Variants in IGFL2 observed in about 807,000 individuals in gnomAD.
IGFL2 encodes the protein insulin growth factor-like family member 2.
In IGFL2, 7 loss-of-function variants were observed where a neutral mutation model predicts 13.9. That is an observed-to-expected ratio of 0.51 (90% CI 0.29 to 0.95). The LOEUF is 0.95. IGFL2 is among the 40% of genes least tolerant of loss of function. The pLI is 0.08. For synonymous variants in IGFL2, 55 were observed against 55.8 expected (o/e 0.99, Z 0.07); for missense variants, 138 against 147.8 (o/e 0.93, Z 0.34).
At chr19:46,152,057 G>A in intron 1 of IGFL2, among the ~76,000 whole-genome samples, 1 of 152,026 alleles carries the variant, frequency 6.6e-6, no homozygotes, top group East Asian at 1.9e-4. Context: ...ACAATGTTTT[G>A]TTGTTTTTAA....
the IGFL2 span, chr19:46,189,858 A>G: frequency 2.6e-5 from 4 of 151,886 alleles, no homozygotes; most frequent in African/African-American, 9.7e-5. Context: ...CTTATTTTAT[A>G]TGTTTTCTTT....
chr19:46,198,414 ACTT>A, the IGFL2 span: 18 of 152,056 alleles, frequency 1.2e-4, no homozygotes, highest in East Asian at 2.9e-3. Context: ...ATACCTGGCC[ACTT>A]CTTCATTCTT....
intron 1 of IGFL2, among the ~76,000 whole-genome samples, chr19:46,154,696 G>A (rs546888509): frequency 6.6e-6 from 1 of 151,970 alleles, no homozygotes; most frequent in African/African-American, 2.4e-5. Flanking sequence ...TCATCTGCCC[G>A]CCTCAGCCTC....
chr19:46,092,838 T>C, the IGFL2 span, among the ~76,000 whole-genome samples: 1 of 152,074 alleles, frequency 6.6e-6, no homozygotes, highest in Admixed American at 6.6e-5. Context: ...TAATCTAAGT[T>C]ATAATGTAGT....
the IGFL2 span, among the ~76,000 whole-genome samples, chr19:46,136,396 A>G: frequency 6.6e-6 from 1 of 152,242 alleles, no homozygotes; most frequent in African/African-American, 2.4e-5. Context: ...CTTGTTCCAC[A>G]TGGGAATGAA....
At chr19:46,131,286 G>A in the IGFL2 span, among the ~76,000 whole-genome samples, 1 of 152,042 alleles carries the variant, frequency 6.6e-6, no homozygotes, top group Non-Finnish European at 1.5e-5. Flanking sequence ...GTAGTGTCTG[G>A]TTCATTTACA....
At chr19:46,103,944 A>C in the IGFL2 span, among the ~76,000 whole-genome samples, 1 of 152,150 alleles carries the variant, frequency 6.6e-6, no homozygotes, top group African/African-American at 2.4e-5. Flanking sequence ...CCCAATGGGG[A>C]GGGTCCTGCA....
the IGFL2 span, among the ~76,000 whole-genome samples, chr19:46,192,035 T>C: frequency 6.6e-6 from 1 of 152,196 alleles, no homozygotes; most frequent in East Asian, 1.9e-4. Context: ...CAAAGCTCCT[T>C]TTCCACTCTA....
At chr19:46,142,065 A>G (rs192871433), upstream of IGFL2, among the ~76,000 whole-genome samples, 7 of 152,294 alleles carry the variant, frequency 4.6e-5, no homozygotes, top group East Asian at 1.4e-3. Context: ...GGACCCAGGT[A>G]CACCATTACC....
the IGFL2 span, among the ~76,000 whole-genome samples, chr19:46,194,309 G>A: frequency 1.3e-5 from 2 of 152,126 alleles, no homozygotes; most frequent in Admixed American, 1.3e-4. Flanking sequence ...CTCTCTGCCT[G>A]GTACCAGATA....
chr19:46,161,952 T>C (rs1974191067), downstream of IGFL2, among the ~76,000 whole-genome samples: 1 of 152,236 alleles, frequency 6.6e-6, no homozygotes, highest in Non-Finnish European at 1.5e-5. Flanking sequence ...ATTAGCTGGT[T>C]GTGGTCTTTC....
At chr19:46,137,096 G>C in the IGFL2 span, 1 of 1,604,702 alleles carries the variant, frequency 6.2e-7, no homozygotes, top group Non-Finnish European at 8.5e-7. Flanking sequence ...AGGAGACAAT[G>C]GCCTCCCTAG....
chr19:46,100,231 G>T, the IGFL2 span, among the ~76,000 whole-genome samples: 386 of 152,192 alleles, frequency 2.5e-3, 1 homozygote, highest in African/African-American at 8.2e-3. Context: ...TTTTTTCATT[G>T]ATTCTTTCTC....
At chr19:46,133,138 A>G in the IGFL2 span, among the ~76,000 whole-genome samples, 1 of 152,092 alleles carries the variant, frequency 6.6e-6, no homozygotes, top group Non-Finnish European at 1.5e-5. Flanking sequence ...CCGTGAAGGG[A>G]TCTTGTCCAG....
the IGFL2 span, chr19:46,120,457 C>T: frequency 6.5e-6 from 10 of 1,533,120 alleles, no homozygotes; most frequent in Non-Finnish European, 8.9e-6. Context: ...CTTTAACAGA[C>T]TTGACTGCTA....
chr19:46,116,896 T>C, the IGFL2 span, among the ~76,000 whole-genome samples: 2 of 152,340 alleles, frequency 1.3e-5, no homozygotes, highest in African/African-American at 2.4e-5. Flanking sequence ...ATTTAACTTA[T>C]ATTAAATTAT....
At chr19:46,105,401 A>G in the IGFL2 span, among the ~76,000 whole-genome samples, 4 of 152,166 alleles carry the variant, frequency 2.6e-5, no homozygotes, top group Non-Finnish European at 5.9e-5. Flanking sequence ...TGCCTTTGCT[A>G]GTGATTGGTG....
the IGFL2 span, chr19:46,124,243 T>C: frequency 1.2e-6 from 2 of 1,609,664 alleles, no homozygotes; most frequent in Non-Finnish European, 1.7e-6. Flanking sequence ...TCTTCCCTCC[T>C]CATTTTTCCC....
chr19:46,149,006 C>T (rs2146834372), intron 1 of IGFL2: 6 of 1,604,464 alleles, frequency 3.7e-6, no homozygotes, highest in Non-Finnish European at 3.4e-6. Flanking sequence ...GTGTCTCAGG[C>T]ATGAGGACCG....
Sources: allele counts gnomAD v4.1 joint callset (sites outside exome capture counted in the v4.1 genomes callset), GRCh38; gene constraint gnomAD v4.1.1; transcripts MANE v1.5; gene names NCBI Gene and HGNC (gene_info 2026-07-23, HGNC 2026-07-21).